FYB1: variants seen among roughly 807,000 people sequenced by gnomAD.
FYB1 encodes the protein FYN binding protein 1.
In FYB1, 41 loss-of-function variants were observed where a neutral mutation model predicts 94.1. That is an observed-to-expected ratio of 0.44 (90% CI 0.34 to 0.57). FYB1 has a LOEUF of 0.57. Among genes scored for constraint, FYB1 ranks in the 20% least tolerant of loss-of-function variants. The pLI is 0.02. For missense variants in FYB1, 1,050 were observed against 976.8 expected (o/e 1.07, Z -1.00); for synonymous variants, 367 against 353.2 (o/e 1.04, Z -0.44).
intron 1 of FYB1, chr5:39,212,686 T>C (rs1185988584): frequency 6.6e-6 from 1 of 152,258 alleles, no homozygotes; most frequent in Non-Finnish European, 1.5e-5. Context: ...ACCTTTGTTA[T>C]AATGGTGCTC....
At chr5:39,242,710 A>G (rs1323443832) in intron 1 of FYB1, among the ~76,000 whole-genome samples, 1 of 152,172 alleles carries the variant, frequency 6.6e-6, no homozygotes, top group Non-Finnish European at 1.5e-5. Flanking sequence ...CCGAGGAATC[A>G]CCACACTGTC....
At chr5:39,269,881 C>T (rs1235483664) in intron 1 of FYB1, 1 of 152,154 alleles carries the variant, frequency 6.6e-6, no homozygotes, top group Non-Finnish European at 1.5e-5. Flanking sequence ...AGCATATGAA[C>T]ACCACATATA....
At chr5:39,176,365 G>T (rs905734489) in intron 2 of FYB1, among the ~76,000 whole-genome samples, 1 of 151,866 alleles carries the variant, frequency 6.6e-6, no homozygotes, top group Non-Finnish European at 1.5e-5. Context: ...GGCCAGGCTG[G>T]TCTCGAACTC....
At chr5:39,220,444 AG>A (rs1350790772), upstream of FYB1, among the ~76,000 whole-genome samples, 2 of 151,616 alleles carry the variant, frequency 1.3e-5, no homozygotes, top group Non-Finnish European at 2.9e-5. Flanking sequence ...AAAGAAAGAA[AG>A]AAAAATAAAG....
intron 1 of FYB1, among the ~76,000 whole-genome samples, chr5:39,218,710 A>C (rs73072523): frequency 0.013 from 1,972 of 152,304 alleles, 36 homozygotes; most frequent in African/African-American, 0.042. Flanking sequence ...TAGAAGGCAG[A>C]GTCAGAGGCC....
rs568096189 is a variant in FYB1 at position 39,207,462 on chromosome 5, T to C, written c.-27-4475A>G. On this transcript the variant is annotated intron_variant, in intron 1 of 18. Transcript: ENST00000512982. ...AAATGCTTTCGTTACAACCTCCAGA[T>C]TGACAGTTAACAAACCCAGTTTTCA... Among the ~76,000 whole-genome samples the C allele has an allele frequency of 3.9e-4, 59 of 152,306 alleles. 1 individual carries two copies. In the Middle Eastern group the frequency reaches 0.02, roughly 53 times the overall value.
At chr5:39,138,002 G>A (rs766998612) in intron 6 of FYB1, 17 of 401,208 alleles carry the variant, frequency 4.2e-5, no homozygotes, top group Non-Finnish European at 6.8e-5. Flanking sequence ...CTGTATGTTC[G>A]CATAAATAGA....
chr5:39,118,916 T>G lies in FYB1; in HGVS notation c.2359A>C (p.Thr787Pro). 2 of 1,555,452 alleles carry G rather than the reference T, an allele frequency of 1.3e-6. No homozygotes were observed. The highest frequency in any genetic ancestry group is 1.7e-6 in the Non-Finnish European group (2 of 1,146,144). ...CTGCAGAGAACTTTTGTGTCATCTG[T>G]GGTTTGTATAACTTCTAGAGATTCA... ...PGESLEVIQT[T>P]DDTKVLCRNE... The change falls in exon 16 of 19, where the codon ACA becomes CCA. Residue 787 changes from threonine to proline, a missense_variant. Transcript: ENST00000512982.
In FYB1 at chr5:39,198,781, T is replaced by C. The variant is rs193051661; in HGVS notation, c.1135+3045A>G. Among the ~76,000 whole-genome samples, 666 of 152,266 alleles carry C rather than the reference T, an allele frequency of 4.4e-3. 7 individuals carry two copies. Among genetic ancestry groups the C allele is most frequent in the African/African-American group, 0.015 (636 of 41,546 alleles). The stretch of plus-strand genomic sequence containing the variant: ...TATTAAACGTGTTTTCAGTTTATAA[T>C]ATTTCCAACTTAAGAATGTTTATAA... On this transcript the variant is annotated intron_variant, in intron 2 of 18. Transcript: ENST00000512982.
chr5:39,238,229 T>C (rs564928636), intron 1 of FYB1, among the ~76,000 whole-genome samples: 8 of 152,162 alleles, frequency 5.3e-5, no homozygotes, highest in African/African-American at 1.9e-4. Flanking sequence ...TATATATATG[T>C]ACATATATAT....
chr5:39,245,060 T>A (rs978312343), intron 1 of FYB1, among the ~76,000 whole-genome samples: 3 of 152,204 alleles, frequency 2.0e-5, no homozygotes, highest in African/African-American at 4.8e-5. Flanking sequence ...GCTAGCGGTC[T>A]ATCAATTTTT....
At chr5:39,172,653 T>C (rs1189511897) in intron 2 of FYB1, among the ~76,000 whole-genome samples, 2 of 152,132 alleles carry the variant, frequency 1.3e-5, no homozygotes, top group Admixed American at 6.5e-5. Context: ...TTTACATTCA[T>C]GTGTATTCAG....
At chr5:39,224,381 T>C (rs1420882544), upstream of FYB1, among the ~76,000 whole-genome samples, 1 of 152,138 alleles carries the variant, frequency 6.6e-6, no homozygotes, top group Non-Finnish European at 1.5e-5. Flanking sequence ...CACCTTCTGC[T>C]TGCTCACCCA....
rs1176778048 is a variant in FYB1 at position 39,175,956 on chromosome 5, G to A, written c.1136-22352C>T. On this transcript the variant is annotated intron_variant, in intron 2 of 18. Transcript: ENST00000512982. ...AGACATCAGTGACATTCAAGAATAT[G>A]GAATCACTCATTTTATAGCTGAGAT... is the stretch of plus-strand genomic sequence containing the variant. Among the ~76,000 whole-genome samples, 3 of 152,024 alleles carry A rather than the reference G, an allele frequency of 2.0e-5. No homozygotes were observed. In the East Asian group the frequency reaches 5.8e-4, roughly 29 times the overall value.
intron 1 of FYB1, among the ~76,000 whole-genome samples, chr5:39,252,207 TCAAAA>T (rs1288431210): frequency 1.3e-5 from 2 of 151,656 alleles, no homozygotes; most frequent in Non-Finnish European, 2.9e-5. Flanking sequence ...TATAGATGGC[TCAAAA>T]CAGAGTCATA....
At chr5:39,240,143 C>A (rs1388499265) in intron 1 of FYB1, among the ~76,000 whole-genome samples, 2 of 152,074 alleles carry the variant, frequency 1.3e-5, no homozygotes, top group Non-Finnish European at 2.9e-5. Context: ...GAAGCTGAAC[C>A]CCTCCTGATA....
intron 10 of FYB1, 81 bp downstream of exon 10, chr5:39,130,509 A>G (rs1269401678): frequency 8.8e-7 from 1 of 1,139,646 alleles, no homozygotes; most frequent in East Asian, 2.6e-5. Flanking sequence ...TGCATGTAAC[A>G]AAATAACACA....
At chr5:39,249,718 T>A (rs779477916) in intron 1 of FYB1, among the ~76,000 whole-genome samples, 2 of 152,082 alleles carry the variant, frequency 1.3e-5, no homozygotes, top group Non-Finnish European at 2.9e-5. Context: ...CTGGTGGAAA[T>A]GGAGAAATAT....
intron 1 of FYB1, among the ~76,000 whole-genome samples, chr5:39,261,337 G>GACAC (rs57277521): frequency 0.13 from 17,179 of 133,514 alleles, 1,204 homozygotes; most frequent in African/African-American, 0.16. Flanking sequence ...TGTAGATTAA[G>GACAC]ACACACACAC....
Sources: gnomAD v4.1 joint callset for allele counts (sites outside exome capture counted in the v4.1 genomes callset) on GRCh38, gnomAD v4.1.1 for gene constraint, MANE v1.5 for transcripts, NCBI Gene and HGNC (gene_info 2026-07-23, HGNC 2026-07-21) for gene names.